Variants in GALNT13 observed in about 807,000 individuals in gnomAD.
The protein encoded by GALNT13 is UDP-GalNAc:polypeptide N-acetylgalactosaminyltransferase 13.
A neutral mutation model predicts 64.2 loss-of-function variants in GALNT13; 28 were observed. The ratio of observed to expected loss-of-function variants is 0.44; its 90% CI spans 0.32 to 0.60. The LOEUF (loss-of-function observed/expected upper bound fraction) is 0.60, where lower values mean the gene tolerates loss of function less well. Ranked by LOEUF, GALNT13 falls within the 20% of genes least tolerant of loss-of-function variation. The pLI is 0.05. For missense variants in GALNT13, 577 were observed against 669.8 expected (o/e 0.86, Z 1.53); for synonymous variants, 214 against 224.6 (o/e 0.95, Z 0.42).
the GALNT13 span, among the ~76,000 whole-genome samples, chr2:153,103,432 C>A: frequency 1.3e-5 from 2 of 152,164 alleles, no homozygotes; most frequent in African/African-American, 4.8e-5. Context: ...AGGCCCCCAG[C>A]TCTGTATCTC....
the GALNT13 span, among the ~76,000 whole-genome samples, chr2:153,764,850 C>T: frequency 1.3e-5 from 2 of 152,210 alleles, no homozygotes; most frequent in African/African-American, 4.8e-5. Flanking sequence ...AACTGCTTCA[C>T]ATCCAGCCAT....
intron 4 of GALNT13, among the ~76,000 whole-genome samples, chr2:154,187,676 C>G (rs1376964319): frequency 1.3e-5 from 2 of 151,750 alleles, no homozygotes; most frequent in Non-Finnish European, 2.9e-5. Context: ...CATGTGAGCT[C>G]AAAACTGGAT....
intron 9 of GALNT13, among the ~76,000 whole-genome samples, chr2:154,304,982 A>G (rs1348987579): frequency 6.6e-6 from 1 of 152,210 alleles, no homozygotes; most frequent in Admixed American, 6.5e-5. Context: ...AACCTGAAAC[A>G]CAAAACAATG....
chr2:153,651,553 C>T, the GALNT13 span, among the ~76,000 whole-genome samples: 1 of 152,250 alleles, frequency 6.6e-6, no homozygotes, highest in South Asian at 2.1e-4. Flanking sequence ...TAATTTTTAT[C>T]ATTCCTAAGT....
the GALNT13 span, among the ~76,000 whole-genome samples, chr2:153,779,322 T>C: frequency 6.6e-6 from 1 of 152,208 alleles, no homozygotes; most frequent in Non-Finnish European, 1.5e-5. Context: ...GTGGTGTTTC[T>C]ATTAAAAGCA....
At chr2:154,354,382 A>G (rs1442045954) in intron 9 of GALNT13, among the ~76,000 whole-genome samples, 1 of 116,756 alleles carries the variant, frequency 8.6e-6, no homozygotes, top group East Asian at 2.8e-4. Flanking sequence ...AGACAGATAG[A>G]TGCCTTTTAG....
chr2:154,018,433 A>G (rs1429260646), intron 3 of GALNT13, among the ~76,000 whole-genome samples: 1 of 152,224 alleles, frequency 6.6e-6, no homozygotes, highest in Non-Finnish European at 1.5e-5. Flanking sequence ...CATAGATATC[A>G]GTCTCTGCGG....
chr2:153,293,767 GTGTGTGTGTGTGTGTGTGTGTGTGTC>G, the GALNT13 span, among the ~76,000 whole-genome samples: 4 of 107,068 alleles, frequency 3.7e-5, no homozygotes, highest in African/African-American at 9.1e-5. Context: ...CTGTTTGTGT[GTGTGTGTGTGTGTGTGTGTGTGTGTC>G]TGTGTGTGTG....
At chr2:154,035,436 A>T (rs1206501650) in intron 3 of GALNT13, among the ~76,000 whole-genome samples, 2 of 152,058 alleles carry the variant, frequency 1.3e-5, no homozygotes, top group Non-Finnish European at 2.9e-5. Context: ...ACACTCGTTA[A>T]TGTCACTGCA....
chr2:154,368,140 G>T (rs1697475416), intron 9 of GALNT13, among the ~76,000 whole-genome samples: 1 of 79,584 alleles, frequency 1.3e-5, no homozygotes, highest in Non-Finnish European at 2.4e-5. Context: ...ATAATTCAAT[G>T]GATAAATTGG....
chr2:153,624,075 G>A, the GALNT13 span, among the ~76,000 whole-genome samples: 1 of 151,800 alleles, frequency 6.6e-6, no homozygotes, highest in Non-Finnish European at 1.5e-5. Context: ...GAGGGAGTTG[G>A]TTATGAGAGT....
the GALNT13 span, among the ~76,000 whole-genome samples, chr2:153,443,697 C>T: frequency 9.2e-5 from 14 of 152,216 alleles, no homozygotes; most frequent in African/African-American, 2.2e-4. Flanking sequence ...CCAAGGCAGA[C>T]GGATTGCCTT....
At chr2:153,576,623 G>A in the GALNT13 span, among the ~76,000 whole-genome samples, 1 of 152,202 alleles carries the variant, frequency 6.6e-6, no homozygotes, top group African/African-American at 2.4e-5. Context: ...CCCCTGCTGG[G>A]GGTTGGGGAA....
At position 154,395,046 on chromosome 2, in the gene GALNT13, T is replaced by C. The variant is rs541283773; in HGVS notation, c.1157-945T>C. ...ATTTTAGACAACAATTGGCTGGCTT[T>C]GTTACTTGGTTGGGATAGAATATCC... On this transcript the variant is annotated intron_variant, in intron 9 of 12. Transcript: ENST00000392825. 1.6e-3 allele frequency among the ~76,000 whole-genome samples: 247 copies of C among 152,318 alleles called. 1 individual carries two copies. Among genetic ancestry groups the C allele is most frequent in the African/African-American group, 5.6e-3 (232 of 41,572 alleles).
chr2:153,197,177 T>C, the GALNT13 span, among the ~76,000 whole-genome samples: 1 of 152,182 alleles, frequency 6.6e-6, no homozygotes, highest in African/African-American at 2.4e-5. Flanking sequence ...ATGAAGATGC[T>C]GAATGGCATG....
At chr2:153,480,364 T>G in the GALNT13 span, among the ~76,000 whole-genome samples, 1 of 152,206 alleles carries the variant, frequency 6.6e-6, no homozygotes, top group African/African-American at 2.4e-5. Context: ...TTTCAATTTT[T>G]TGATATTTAT....
chr2:153,411,161 G>GTGTA, the GALNT13 span, among the ~76,000 whole-genome samples: 1 of 139,662 alleles, frequency 7.2e-6, no homozygotes, highest in African/African-American at 2.7e-5. Flanking sequence ...TGGCATATAT[G>GTGTA]TATATATATA....
the GALNT13 span, among the ~76,000 whole-genome samples, chr2:153,177,780 A>T: frequency 6.6e-6 from 1 of 152,150 alleles, no homozygotes; most frequent in African/African-American, 2.4e-5. Flanking sequence ...ATTATTTACT[A>T]TATTGATTAC....
intron 9 of GALNT13, among the ~76,000 whole-genome samples, chr2:154,333,257 G>A (rs1180500766): frequency 6.6e-6 from 1 of 151,878 alleles, no homozygotes; most frequent in Admixed American, 6.6e-5. Context: ...AGTTATAGTT[G>A]TATTCGAAAC....
Sources: allele counts gnomAD v4.1 joint callset (sites outside exome capture counted in the v4.1 genomes callset), GRCh38; gene constraint gnomAD v4.1.1; transcripts MANE v1.5; gene names NCBI Gene and HGNC (gene_info 2026-07-23, HGNC 2026-07-21).